Variants in ARHGAP22 observed in about 807,000 individuals in gnomAD.
ARHGAP22 encodes the protein Rho GTPase activating protein 22.
In ARHGAP22, 48 loss-of-function variants were observed where a neutral mutation model predicts 59.1. The observed-to-expected ratio is 0.81, with a 90% CI of 0.64 to 1.03. The LOEUF is 1.03. Ranked by LOEUF, ARHGAP22 falls within the 50% of genes least tolerant of loss-of-function variation. The pLI is 0.00. For synonymous variants in ARHGAP22, 445 were observed against 416.4 expected, an observed-to-expected ratio of 1.07 and a Z score of -0.84; for missense variants, 1,015 against 958.7, an observed-to-expected ratio of 1.06 and a Z score of -0.78.
chr10:48,576,893 A>C (rs2058743194), intron 2 of ARHGAP22, among the ~76,000 whole-genome samples: 3 of 150,590 alleles, frequency 2.0e-5, no homozygotes, highest in South Asian at 2.1e-4. Flanking sequence ...CCCCTTCTCC[A>C]CTCACCCATC....
At chr10:48,500,527 C>G (rs1370970383) in intron 3 of ARHGAP22, among the ~76,000 whole-genome samples, 1 of 151,888 alleles carries the variant, frequency 6.6e-6, no homozygotes, top group East Asian at 1.9e-4. Flanking sequence ...AATGGGAGAG[C>G]CACATGAGGA....
rs193288713 is a variant in ARHGAP22 at position 48,648,891 on chromosome 10, C to A, written c.52+3343G>T. 4.4e-3 allele frequency among the ~76,000 whole-genome samples: 663 copies of A among 152,222 alleles called. 3 individuals carry two copies. The highest frequency in any genetic ancestry group is 0.01 in the Middle Eastern group (3 of 294). On this transcript the variant is annotated intron_variant, in intron 1 of 9. Coordinates refer to the ARHGAP22 transcript ENST00000435790. ...TGGGCATCCATATGGATGTGTTGAGCAACATGGATGCCCATGGATGTGACA... is the reference window on the plus strand; with the variant it reads ...TGGGCATCCATATGGATGTGTTGAGAAACATGGATGCCCATGGATGTGACA...
chr10:48,466,274 C>G (rs887634448), intron 4 of ARHGAP22, among the ~76,000 whole-genome samples: 1 of 152,084 alleles, frequency 6.6e-6, no homozygotes, highest in Non-Finnish European at 1.5e-5. Flanking sequence ...CCTGCGCCCC[C>G]CCCCAGACTC....
intron 1 of ARHGAP22, among the ~76,000 whole-genome samples, chr10:48,612,667 G>C (rs776807309): frequency 2.7e-4 from 41 of 152,190 alleles, no homozygotes; most frequent in Non-Finnish European, 4.9e-4. Flanking sequence ...GCTTACAAAG[G>C]ATTTTTCCAA....
At chr10:48,460,149 C>T (rs978083807) in intron 4 of ARHGAP22, among the ~76,000 whole-genome samples, 1 of 152,184 alleles carries the variant, frequency 6.6e-6, no homozygotes, top group African/African-American at 2.4e-5. Flanking sequence ...GTGGTGTGAC[C>T]TGGCCATGGA....
Position 48,446,428 on chromosome 10 carries a change from A to T in ARHGAP22, c.2060T>A (p.Leu687Ter). 1 of 1,614,126 alleles carries T rather than the reference A, an allele frequency of 6.2e-7. No individual in the cohort carries two copies. ...MEEFFSTLGS[L>*]TVGAKGARAP... ...CCTGGCACCTTTTGCCCCAACAGTCAAGCTTCCTAGGGTCGAAAAAAACTC... is the reference window on the plus strand; with the variant it reads ...CCTGGCACCTTTTGCCCCAACAGTCTAGCTTCCTAGGGTCGAAAAAAACTC... Residue 687 changes from leucine (L) to a stop codon, truncating the protein, a stop_gained, in exon 10 of 10, where the codon TTG becomes TAG. Coordinates refer to ENST00000249601, the MANE Select transcript of ARHGAP22 (RefSeq NM_021226.4). LOFTEE classifies it high-confidence loss of function.
intron 2 of ARHGAP22, among the ~76,000 whole-genome samples, chr10:48,574,406 T>G (rs1306385604): frequency 6.6e-6 from 1 of 152,236 alleles, no homozygotes; most frequent in Non-Finnish European, 1.5e-5. Context: ...ATTGAGGAAG[T>G]GTTATAAATA....
rs527444806 is a variant in ARHGAP22 at position 48,457,092 on chromosome 10, G to A, written c.660-1958C>T. On this transcript the variant is annotated intron_variant, in intron 5 of 9. Coordinates refer to ENST00000249601, the MANE Select transcript of ARHGAP22 (RefSeq NM_021226.4). ...GAGGTGCCTGCCCTGGGGACAAAGA[G>A]GCCCTGGTGGTCAGTGCAGCCCGCA... 1.8e-3 allele frequency among the ~76,000 whole-genome samples: 274 copies of A among 152,212 alleles called. 1 individual carries two copies. The highest frequency in any genetic ancestry group is 3.6e-3 in the Admixed American group (55 of 15,288).
At chr10:48,603,738 C>G (rs2060520423) in intron 1 of ARHGAP22, among the ~76,000 whole-genome samples, 1 of 152,242 alleles carries the variant, frequency 6.6e-6, no homozygotes, top group Non-Finnish European at 1.5e-5. Flanking sequence ...AAGCACCCCA[C>G]AGAGGGGTCC....
intron 3 of ARHGAP22, among the ~76,000 whole-genome samples, chr10:48,498,563 C>G (rs903722645): frequency 6.6e-6 from 1 of 152,216 alleles, no homozygotes; most frequent in Non-Finnish European, 1.5e-5. Flanking sequence ...CTGCCCGGCC[C>G]CCTGCCCTAT....
At chr10:48,625,693 TACACACACACACACACAC>T (rs56897057) in intron 1 of ARHGAP22, among the ~76,000 whole-genome samples, 40 of 138,966 alleles carry the variant, frequency 2.9e-4, no homozygotes, top group African/African-American at 9.6e-4. Flanking sequence ...CTGCAACGTG[TACACACACACACACACAC>T]ACACACACAC....
chr10:48,579,797 C>G (rs1425615659), intron 2 of ARHGAP22, among the ~76,000 whole-genome samples: 1 of 152,166 alleles, frequency 6.6e-6, no homozygotes, highest in Non-Finnish European at 1.5e-5. Flanking sequence ...CCCCCTGTCA[C>G]TGAGAACAGT....
At position 48,493,309 on chromosome 10, in the gene ARHGAP22, T is replaced by C. The variant is rs903525798; in HGVS notation, c.323-13545A>G. 1.0e-5 allele frequency: 10 copies of C among 995,272 alleles called. No homozygotes were observed. In the African/African-American group the frequency reaches 1.4e-4, roughly 14 times the overall value. 61.7% of individuals were successfully genotyped at this position (995,272 alleles called of 1,614,324 possible). A position where few individuals can be genotyped will look rare whatever the true frequency, so the allele number is the denominator to read the frequency against. ...CTCCCTGCTGTCCTCCCAGTCTTCA[T>C]TCATGTCTTTCATTTCTCTTTACCT... On this transcript the variant is annotated intron_variant, in intron 3 of 9. Coordinates refer to ENST00000249601, the MANE Select transcript of ARHGAP22 (RefSeq NM_021226.4).
chr10:48,625,473 C>T (rs2061417366), intron 1 of ARHGAP22, among the ~76,000 whole-genome samples: 1 of 152,098 alleles, frequency 6.6e-6, no homozygotes, highest in Non-Finnish European at 1.5e-5. Flanking sequence ...CATAAGGCTG[C>T]CCCATTATGC....
At chr10:48,478,506 T>C (rs752784577) in intron 4 of ARHGAP22, among the ~76,000 whole-genome samples, 2 of 152,030 alleles carry the variant, frequency 1.3e-5, no homozygotes, top group Non-Finnish European at 2.9e-5. Flanking sequence ...CCCCAAAAGG[T>C]GAGTCCCTGC....
At chr10:48,654,830 C>G (rs1428523871), upstream of ARHGAP22, among the ~76,000 whole-genome samples, 3 of 138,996 alleles carry the variant, frequency 2.2e-5, no homozygotes, top group Non-Finnish European at 4.7e-5. Flanking sequence ...TTCTTTCTTC[C>G]TTCCTTCCTT....
intron 1 of ARHGAP22, among the ~76,000 whole-genome samples, chr10:48,639,305 C>T (rs1411735187): frequency 1.3e-5 from 2 of 152,200 alleles, no homozygotes; most frequent in Non-Finnish European, 2.9e-5. Flanking sequence ...CAAATATATT[C>T]CTGGCTTGGA....
chr10:48,611,983 C>A (rs540169282), intron 1 of ARHGAP22, among the ~76,000 whole-genome samples: 1 of 149,458 alleles, frequency 6.7e-6, no homozygotes, highest in African/African-American at 2.5e-5. Context: ...CCACCACACC[C>A]GGCTACTTTT....
intron 2 of ARHGAP22, among the ~76,000 whole-genome samples, chr10:48,578,905 A>G (rs7071547): frequency 0.31 from 46,829 of 151,330 alleles, 8,077 homozygotes; most frequent in East Asian, 0.74. Context: ...TTACTTGCTT[A>G]CCTTTTTTTT....
Sources: gnomAD v4.1 joint callset for allele counts (sites outside exome capture counted in the v4.1 genomes callset) on GRCh38, gnomAD v4.1.1 for gene constraint, MANE v1.5 for transcripts, NCBI Gene and HGNC (gene_info 2026-07-23, HGNC 2026-07-21) for gene names.